The following RORA variants were observed in gnomAD, a reference collection of about 807,000 sequenced individuals.
RORA encodes the protein RAR related orphan receptor A, also known as nuclear receptor ROR-alpha.
A neutral mutation model predicts 69.5 loss-of-function variants in RORA; 7 were observed. That is an observed-to-expected ratio of 0.10 (90% CI 0.06 to 0.19). The LOEUF is 0.19. RORA is among the 10% of genes least tolerant of loss of function. The pLI is 1.00. For synonymous variants in RORA, 261 were observed against 240.8 expected, an observed-to-expected ratio of 1.08 and a Z score of -0.78; for missense variants, 457 against 663.0, an observed-to-expected ratio of 0.69 and a Z score of 3.41.
At chr15:60,598,056 C>T (rs777998483) in intron 2 of RORA, among the ~76,000 whole-genome samples, 10 of 152,010 alleles carry the variant, frequency 6.6e-5, no homozygotes, top group Non-Finnish European at 1.5e-4. Flanking sequence ...ACCTTTGTTT[C>T]ACCATACGTC....
intron 1 of RORA, among the ~76,000 whole-genome samples, chr15:60,690,099 G>A (rs2079834744): frequency 6.6e-6 from 1 of 152,224 alleles, no homozygotes; most frequent in African/African-American, 2.4e-5. Flanking sequence ...TGTTATGAGT[G>A]TAAGGTGTCT....
chr15:60,832,908 G>A (rs567746547), intron 1 of RORA, among the ~76,000 whole-genome samples: 12 of 151,868 alleles, frequency 7.9e-5, no homozygotes, highest in Non-Finnish European at 1.5e-4. Context: ...CCAACTGAGT[G>A]TTCTTTTTTT....
intron 1 of RORA, among the ~76,000 whole-genome samples, chr15:60,800,704 C>G (rs1472083146): frequency 2.0e-5 from 3 of 152,092 alleles, no homozygotes; most frequent in Non-Finnish European, 2.9e-5. Context: ...CTCTGTCTAC[C>G]CCACACAGCA....
chr15:61,089,960 C>T (rs1469535589), intron 1 of RORA, among the ~76,000 whole-genome samples: 1 of 152,184 alleles, frequency 6.6e-6, no homozygotes, highest in African/African-American at 2.4e-5. Context: ...CCAAGGGCAA[C>T]CTTTAACTAT....
At chr15:61,165,648 G>C (rs2140887908) in intron 1 of RORA, among the ~76,000 whole-genome samples, 1 of 152,280 alleles carries the variant, frequency 6.6e-6, no homozygotes, top group South Asian at 2.1e-4. Context: ...AGGGTTCTGT[G>C]GATCACTTGA....
intron 1 of RORA, among the ~76,000 whole-genome samples, chr15:60,769,019 A>T (rs11071555): frequency 0.4 from 60,201 of 152,054 alleles, 13,558 homozygotes; most frequent in Non-Finnish European, 0.5. Flanking sequence ...ACTTCGGTCA[A>T]CATCCTAATC....
chr15:60,656,830 C>T (rs2070228872), intron 2 of RORA, among the ~76,000 whole-genome samples: 2 of 152,224 alleles, frequency 1.3e-5, no homozygotes, highest in South Asian at 4.1e-4. Context: ...GCCAAGGCCT[C>T]TTTCCTCCCC....
rs544100510 is a variant in RORA at position 60,556,996 on chromosome 15, A to G, written c.197-25145T>C. ...GATTTATCAGAGCATGTATTTATGC[A>G]TAGCACATCCCCAAATGCTTGAACA... On this transcript the variant is annotated intron_variant, in intron 2 of 10. Transcript: ENST00000335670. 3 of 1,304,264 alleles carry G rather than the reference A, an allele frequency of 2.3e-6. No homozygotes were observed. The South Asian group carries it at 3.8e-5, about 16-fold the overall frequency. The allele number at this position is 1,304,264 out of a possible 1,614,324, so 80.8% of individuals were successfully genotyped here. A position where few individuals can be genotyped will look rare whatever the true frequency, so the allele number is the denominator to read the frequency against.
intron 1 of RORA, among the ~76,000 whole-genome samples, chr15:60,921,741 C>T (rs945256213): frequency 6.6e-6 from 1 of 152,188 alleles, no homozygotes; most frequent in Non-Finnish European, 1.5e-5. Flanking sequence ...TTTTGGAATT[C>T]ACTTTACCTT....
At chr15:61,017,423 T>G (rs1364998740) in intron 1 of RORA, among the ~76,000 whole-genome samples, 1 of 152,206 alleles carries the variant, frequency 6.6e-6, no homozygotes, top group Non-Finnish European at 1.5e-5. Flanking sequence ...GCTGAGAGCC[T>G]AATTAGGTCC....
intron 1 of RORA, among the ~76,000 whole-genome samples, chr15:61,026,037 T>A (rs753803475): frequency 6.6e-6 from 1 of 152,218 alleles, no homozygotes; most frequent in Non-Finnish European, 1.5e-5. Flanking sequence ...ACATTTTCCA[T>A]GAACATTAAA....
At chr15:60,826,191 C>T (rs2072953394) in intron 1 of RORA, among the ~76,000 whole-genome samples, 1 of 152,124 alleles carries the variant, frequency 6.6e-6, no homozygotes, top group African/African-American at 2.4e-5. Context: ...AAATCATGTC[C>T]TAGTACTGGC....
chr15:61,088,537 T>C (rs978522322), intron 1 of RORA, among the ~76,000 whole-genome samples: 4 of 152,016 alleles, frequency 2.6e-5, no homozygotes, highest in African/African-American at 4.8e-5. Flanking sequence ...AGCAGAGAGG[T>C]AGGCAGATCT....
At chr15:61,026,575 T>C (rs1411030434) in intron 1 of RORA, among the ~76,000 whole-genome samples, 5 of 152,320 alleles carry the variant, frequency 3.3e-5, no homozygotes, top group East Asian at 3.9e-4. Context: ...ATAATTCCAG[T>C]TGGTCTATGT....
At chr15:60,705,170 C>T (rs2071043512) in intron 1 of RORA, among the ~76,000 whole-genome samples, 1 of 151,354 alleles carries the variant, frequency 6.6e-6, no homozygotes, top group Admixed American at 6.6e-5. Flanking sequence ...CCTACCTACA[C>T]AATGAAAAAC....
At chr15:60,779,258 C>T (rs962643312) in intron 1 of RORA, among the ~76,000 whole-genome samples, 2 of 152,162 alleles carry the variant, frequency 1.3e-5, no homozygotes, top group South Asian at 2.1e-4. Context: ...TGGAGTGATC[C>T]GAGTGGCCTC....
chr15:60,666,190 C>T (rs1405493312), intron 2 of RORA, among the ~76,000 whole-genome samples: 21 of 136,582 alleles, frequency 1.5e-4, no homozygotes. Flanking sequence ...TTTTTTGAAA[C>T]AGGGTCTTGC....
At chr15:61,109,924 A>G (rs565330293) in intron 1 of RORA, among the ~76,000 whole-genome samples, 1 of 152,354 alleles carries the variant, frequency 6.6e-6, no homozygotes, top group South Asian at 2.1e-4. Flanking sequence ...TGTGTCCCAT[A>G]AAGACATTTT....
At chr15:60,589,402 C>G (rs2068433164) in intron 2 of RORA, among the ~76,000 whole-genome samples, 1 of 152,200 alleles carries the variant, frequency 6.6e-6, no homozygotes, top group Non-Finnish European at 1.5e-5. Flanking sequence ...TGCACAAACA[C>G]AGGCTGAGCA....
Sources: allele counts gnomAD v4.1 joint callset (sites outside exome capture counted in the v4.1 genomes callset), GRCh38; gene constraint gnomAD v4.1.1; transcripts MANE v1.5; gene names NCBI Gene and HGNC (gene_info 2026-07-23, HGNC 2026-07-21).